NRXN1: variants seen among roughly 807,000 people sequenced by gnomAD.
NRXN1 encodes neurexin 1.
Under a neutral mutation model 150.9 loss-of-function variants are expected in NRXN1, and 39 were observed. That is an observed-to-expected ratio of 0.26 (90% confidence interval 0.20 to 0.34). The LOEUF is 0.34. NRXN1 is among the 10% of genes least tolerant of loss of function. The pLI is 1.00. For missense variants in NRXN1, 1,815 were observed against 1,949.9 expected (o/e 0.93, Z 1.30); for synonymous variants, 924 against 757.0 (o/e 1.22, Z -3.62).
intron 5 of NRXN1, among the ~76,000 whole-genome samples, chr2:50,655,854 G>T (rs1457758704): frequency 6.6e-6 from 1 of 151,852 alleles, no homozygotes; most frequent in East Asian, 1.9e-4. Context: ...TCAAAGAGAT[G>T]CAGGAAAATA....
chr2:50,540,663 CTTTT>C (rs869197555), intron 9 of NRXN1, among the ~76,000 whole-genome samples: 1 of 146,746 alleles, frequency 6.8e-6, no homozygotes, highest in Admixed American at 6.8e-5. Context: ...GTGCCATGTT[CTTTT>C]TTTTTTTCTT....
chr2:50,100,936 T>C (rs1700894767), intron 18 of NRXN1, among the ~76,000 whole-genome samples: 1 of 152,012 alleles, frequency 6.6e-6, no homozygotes, highest in South Asian at 2.1e-4. Flanking sequence ...ACCTTCTTAA[T>C]TTTTCACAGG....
intron 18 of NRXN1, among the ~76,000 whole-genome samples, chr2:50,155,189 A>T (rs1406787557): frequency 6.6e-6 from 1 of 151,658 alleles, no homozygotes; most frequent in Non-Finnish European, 1.5e-5. Flanking sequence ...AAGACACTAA[A>T]ATACTATCCA....
Position 50,031,073 on chromosome 2 carries a change from G to C in NRXN1, c.4128+22198C>G, listed in dbSNP as rs145077179. Among the ~76,000 whole-genome samples the C allele has an allele frequency of 4.6e-3, 702 of 152,128 alleles. 8 individuals carry two copies. The highest frequency in any genetic ancestry group is 4.8e-3 in the Non-Finnish European group (324 of 67,954). On this transcript the variant is annotated intron_variant, in intron 21 of 22. Coordinates refer to ENST00000401669, the MANE Select transcript of NRXN1 (RefSeq NM_001330078.2). ...GGACTGTTTTCTAAAGAACTCTTAA[G>C]TATGCAGCATATATACTAACATGTA...
At chr2:49,984,099 T>A (rs1419185825) in intron 21 of NRXN1, among the ~76,000 whole-genome samples, 5 of 152,076 alleles carry the variant, frequency 3.3e-5, no homozygotes, top group Admixed American at 3.3e-4. Flanking sequence ...CCTAAGAGGC[T>A]GAGGCTGCAG....
chr2:50,306,053 G>T (rs1259653288), intron 17 of NRXN1, among the ~76,000 whole-genome samples: 4 of 152,160 alleles, frequency 2.6e-5, no homozygotes, highest in African/African-American at 9.7e-5. Context: ...ATTAAAGAAT[G>T]ACAGGTGCTT....
At chr2:50,896,487 A>C (rs1327664597) in intron 5 of NRXN1, among the ~76,000 whole-genome samples, 1 of 152,194 alleles carries the variant, frequency 6.6e-6, no homozygotes, top group Admixed American at 6.5e-5. Context: ...TTTCTAAAAA[A>C]TAAACAAGTA....
chr2:50,994,263 C>T (rs1698960271), intron 2 of NRXN1, among the ~76,000 whole-genome samples: 1 of 151,828 alleles, frequency 6.6e-6, no homozygotes, highest in Non-Finnish European at 1.5e-5. Context: ...CACACACACT[C>T]TCTCTCTCTC....
At chr2:50,116,388 C>A (rs1372080588) in intron 18 of NRXN1, among the ~76,000 whole-genome samples, 1 of 152,022 alleles carries the variant, frequency 6.6e-6, no homozygotes, top group East Asian at 1.9e-4. Context: ...ATTAAAGCCT[C>A]CATCTAGGCT....
intron 2 of NRXN1, among the ~76,000 whole-genome samples, chr2:50,955,651 G>A (rs1224519771): frequency 2.6e-5 from 4 of 152,172 alleles, no homozygotes; most frequent in Admixed American, 2.0e-4. Context: ...ACTCATTTAT[G>A]CCAGACAGTT....
At chr2:50,791,314 CAAAAAAAA>C (rs60728323) in intron 5 of NRXN1, among the ~76,000 whole-genome samples, 1 of 111,694 alleles carries the variant, frequency 9.0e-6, no homozygotes, top group South Asian at 3.1e-4. Context: ...CTGCTTGCTA[CAAAAAAAA>C]AAAAAAAAAA....
chr2:50,827,993 C>A (rs1350227336), intron 5 of NRXN1, among the ~76,000 whole-genome samples: 2 of 144,364 alleles, frequency 1.4e-5, no homozygotes, highest in Non-Finnish European at 3.1e-5. Flanking sequence ...GAAAAGTCTC[C>A]CACGTCTACT....
intron 21 of NRXN1, among the ~76,000 whole-genome samples, chr2:50,029,973 AC>A (rs1289922123): frequency 2.0e-5 from 3 of 152,098 alleles, no homozygotes; most frequent in Non-Finnish European, 2.9e-5. Context: ...AAAATAAAAT[AC>A]CCAGCTCCAT....
chr2:50,923,324 A>T (rs72823581), intron 3 of NRXN1: 19,034 of 221,018 alleles, frequency 0.086, 953 homozygotes, highest in South Asian at 0.12. Context: ...ACAATGGGTC[A>T]GCTGCAAATA....
chr2:50,003,327 C>T lies in NRXN1; in HGVS notation c.4128+49944G>A, dbSNP rs1573346356. On this transcript the variant is annotated intron_variant, in intron 21 of 22. Transcript: ENST00000401669. ...GACATAATTACAAAGGAAATTTGTA[C>T]ATTTGGTTATTCTTGTTAAGTATCT... is the stretch of plus-strand genomic sequence containing the variant. Among the ~76,000 whole-genome samples the T allele has an allele frequency of 2.6e-5, 4 of 152,154 alleles. No individual in the cohort carries two copies. The South Asian group carries it at 6.2e-4, about 24-fold the overall frequency.
chr2:50,205,399 A>G (rs1377073557), intron 18 of NRXN1, among the ~76,000 whole-genome samples: 3 of 151,968 alleles, frequency 2.0e-5, no homozygotes, highest in Admixed American at 6.6e-5. Context: ...GCATCTGAGA[A>G]AAAAATACTA....
At chr2:50,251,455 T>C (rs1352245652) in intron 17 of NRXN1, among the ~76,000 whole-genome samples, 1 of 152,110 alleles carries the variant, frequency 6.6e-6, no homozygotes, top group Non-Finnish European at 1.5e-5. Context: ...AGTGGTTCCA[T>C]GTCTTTGCTG....
chr2:50,565,658 A>T (rs1245195830), intron 8 of NRXN1, among the ~76,000 whole-genome samples: 4 of 152,238 alleles, frequency 2.6e-5, no homozygotes, highest in East Asian at 1.9e-4. Flanking sequence ...ATTTTTTTTT[A>T]ATTAAACACT....
chr2:50,206,958 A>T (rs2062634991), intron 18 of NRXN1, among the ~76,000 whole-genome samples: 1 of 151,820 alleles, frequency 6.6e-6, no homozygotes, highest in African/African-American at 2.4e-5. Context: ...AGTACTGCCC[A>T]TTTTAATATC....
Sources: allele counts gnomAD v4.1 joint callset (sites outside exome capture counted in the v4.1 genomes callset), GRCh38; gene constraint gnomAD v4.1.1; transcripts MANE v1.5; gene names NCBI Gene and HGNC (gene_info 2026-07-23, HGNC 2026-07-21).